The following PIEZO2 variants were observed in gnomAD, a reference collection of about 807,000 sequenced individuals.
The protein encoded by PIEZO2 is piezo type mechanosensitive ion channel component 2.
PIEZO2 carries 172 observed loss-of-function variants against 337.3 expected under a neutral mutation model. That is an observed-to-expected ratio of 0.51 (90% CI 0.45 to 0.58). The LOEUF (loss-of-function observed/expected upper bound fraction) is 0.58, where lower values mean the gene tolerates loss of function less well. Ranked by LOEUF, PIEZO2 falls within the 20% of genes least tolerant of loss-of-function variation. PIEZO2 has a pLI of 0.00. For synonymous variants in PIEZO2, 1,251 were observed against 1,228.5 expected (o/e 1.02, Z -0.38); for missense variants, 3,028 against 3,391.3 (o/e 0.89, Z 2.66).
intron 2 of PIEZO2, among the ~76,000 whole-genome samples, chr18:11,008,372 A>G (rs2145642012): frequency 6.6e-6 from 1 of 152,300 alleles, no homozygotes; most frequent in African/African-American, 2.4e-5. Context: ...AGCAAATCCC[A>G]AACATATGCC....
rs148592757 is a variant in PIEZO2 at position 11,038,946 on chromosome 18, CAT to C, written c.160+27179_160+27180del. 3.3e-4 allele frequency among the ~76,000 whole-genome samples: 50 copies of C among 152,274 alleles called. No homozygotes were observed. The highest frequency in any genetic ancestry group is 1.2e-3 in the African/African-American group (50 of 41,542). ...TGAAACCACTGTAGCTTTGACTAGA[CAT>C]AGGTGGATAGGTGTTTGATATATCC... On this transcript the variant is annotated intron_variant, in intron 2 of 55. Coordinates refer to ENST00000674853, the MANE Select transcript of PIEZO2 (RefSeq NM_001378183.1). The surrounding 1 kb of genome is among the most constrained non-coding windows in gnomAD (Gnocchi z 4.1).
At chr18:10,728,360 C>T (rs1000063117) in intron 36 of PIEZO2, 2 of 152,176 alleles carry the variant, frequency 1.3e-5, no homozygotes, top group African/African-American at 4.8e-5. Context: ...CGAATCTGTT[C>T]TGTGGAAAAT....
In PIEZO2 at chr18:11,080,053, A is replaced by G. The variant is rs73400527; in HGVS notation, c.65-13831T>C. Among the ~76,000 whole-genome samples the G allele has an allele frequency of 0.039, 5,898 of 152,262 alleles. 394 individuals are homozygous for G. Among genetic ancestry groups the G allele is most frequent in the African/African-American group, 0.13 (5,545 of 41,530 alleles). ...AAGGATGCACACACTGTCCAGTGTCAAGGAAAAACTGGGAACTAATCCCAG... is the reference window on the plus strand; with the variant it reads ...AAGGATGCACACACTGTCCAGTGTCGAGGAAAAACTGGGAACTAATCCCAG... On this transcript the variant is annotated intron_variant, in intron 1 of 55. Coordinates refer to ENST00000674853, the MANE Select transcript of PIEZO2 (RefSeq NM_001378183.1). The surrounding 1 kb of genome is among the most constrained non-coding windows in gnomAD (Gnocchi z 5.4).
In PIEZO2 at chr18:11,126,197, A is replaced by G. The variant is rs999829013; in HGVS notation, c.64+22328T>C. ...TGCTTTGGTTTAAAGTCTCCACCTC[A>G]CTTTTTTAAAGTCAATATTCCCAGT... On this transcript the variant is annotated intron_variant, in intron 1 of 55. Coordinates refer to ENST00000674853, the MANE Select transcript of PIEZO2 (RefSeq NM_001378183.1). This position sits in a 1 kb window ranked among gnomAD's most constrained non-coding sequence, Gnocchi z 4.6. Among the ~76,000 whole-genome samples, 1 of 152,042 alleles carries G rather than the reference A, an allele frequency of 6.6e-6. No homozygotes were observed. Among genetic ancestry groups the G allele is most frequent in the South Asian group, 2.1e-4 (1 of 4,820 alleles).
chr18:10,827,756 G>A (rs1451978517), intron 7 of PIEZO2, among the ~76,000 whole-genome samples: 1 of 152,142 alleles, frequency 6.6e-6, no homozygotes, highest in Non-Finnish European at 1.5e-5. Context: ...TACAACCTTG[G>A]ACAAGATCAC....
Position 10,726,720 on chromosome 18 carries a change from C to G in PIEZO2, c.5029+4687G>C. 1 of 1,428,954 alleles carries G rather than the reference C, an allele frequency of 7.0e-7. No homozygotes were observed. Among genetic ancestry groups the G allele is most frequent in the Non-Finnish European group, 9.8e-7 (1 of 1,017,882 alleles). The allele number at this position is 1,428,954 out of a possible 1,614,324, so 88.5% of individuals were successfully genotyped here. A position where few individuals can be genotyped will look rare whatever the true frequency, so the allele number is the denominator to read the frequency against. ...AGGTGTACCTGAACGGCATCCTGTG[C>G]ATTCTGGGACATCGCCAGACCATCG... On this transcript the variant is annotated intron_variant, in intron 36 of 55. Coordinates refer to ENST00000674853, the MANE Select transcript of PIEZO2 (RefSeq NM_001378183.1). This position sits in a 1 kb window ranked among gnomAD's most constrained non-coding sequence, Gnocchi z 5.9.
rs2040448365 is a variant in PIEZO2, at chr18:10,819,112, G to A, written c.918-11838C>T. ...TGTCATAAGAAGAACTCTGAGAACTGCATTTAAGTACACCTAGACTCTTTA... is the reference window on the plus strand; with the variant it reads ...TGTCATAAGAAGAACTCTGAGAACTACATTTAAGTACACCTAGACTCTTTA... On this transcript the variant is annotated intron_variant, in intron 7 of 55. Transcript: ENST00000674853. This position sits in a 1 kb window ranked among gnomAD's most constrained non-coding sequence, Gnocchi z 4.3. 1.3e-5 allele frequency among the ~76,000 whole-genome samples: 2 copies of A among 152,146 alleles called. No individual in the cohort carries two copies. The highest frequency in any genetic ancestry group is 2.9e-5 in the Non-Finnish European group (2 of 68,018).
At position 10,773,991 on chromosome 18, in the gene PIEZO2, C is replaced by G. The variant is rs765310007; in HGVS notation, c.2567+15G>C. The G allele has an allele frequency of 2.8e-6, 2 of 702,972 alleles. No individual in the cohort carries two copies. The highest frequency in any genetic ancestry group is 1.5e-5 in the South Asian group (1 of 67,582). The allele number at this position is 702,972 out of a possible 1,614,324, so 43.5% of individuals were successfully genotyped here. ...ATGTAGAGCAAGCATTTCATGGCTT[C>G]ACAGGGGGACTTACTCATTTTGGTG... On this transcript the variant is annotated intron_variant, in intron 19 of 55. Transcript: ENST00000674853. This position sits in a 1 kb window ranked among gnomAD's most constrained non-coding sequence, Gnocchi z 5.3.
chr18:11,025,230 G>A (rs1007769912), intron 2 of PIEZO2, among the ~76,000 whole-genome samples: 2 of 152,068 alleles, frequency 1.3e-5, no homozygotes, highest in Non-Finnish European at 2.9e-5. Flanking sequence ...CTTCATTTGG[G>A]GTTACAATTA....
At position 11,143,600 on chromosome 18, in the gene PIEZO2, A is replaced by AAC. The variant is rs57885955; in HGVS notation, c.64+4923_64+4924dup. Among the ~76,000 whole-genome samples, 6,003 of 106,472 alleles carry AAC rather than the reference A, an allele frequency of 0.056. 214 individuals carry two copies. The highest frequency in any genetic ancestry group is 0.1 in the Middle Eastern group (17 of 162). 69.8% of individuals were successfully genotyped at this position (106,472 alleles called of 152,430 possible). A position where few individuals can be genotyped will look rare whatever the true frequency, so the allele number is the denominator to read the frequency against. ...AAAATCCTGAGAACTAAAAATCTCT[A>AAC]ACACACACACACACACACACACACA... On this transcript the variant is annotated intron_variant, in intron 1 of 55. Coordinates refer to ENST00000674853, the MANE Select transcript of PIEZO2 (RefSeq NM_001378183.1). This position sits in a 1 kb window ranked among gnomAD's most constrained non-coding sequence, Gnocchi z 4.9.
At position 11,069,751 on chromosome 18, in the gene PIEZO2, T is replaced by C. The variant is rs974379877; in HGVS notation, c.65-3529A>G. 2.6e-5 allele frequency among the ~76,000 whole-genome samples: 4 copies of C among 152,224 alleles called. No homozygotes were observed. Among genetic ancestry groups the C allele is most frequent in the Non-Finnish European group, 5.9e-5 (4 of 68,038 alleles). ...GGCAAAGCAAATTTGTGTTTGCAGA[T>C]GACATGATCTTATATTAAGAAAACC... On this transcript the variant is annotated intron_variant, in intron 1 of 55. Transcript: ENST00000674853. This position sits in a 1 kb window ranked among gnomAD's most constrained non-coding sequence, Gnocchi z 4.9.
intron 2 of PIEZO2, among the ~76,000 whole-genome samples, chr18:11,024,526 A>G (rs1598845781): frequency 7.0e-6 from 1 of 142,534 alleles, no homozygotes; most frequent in South Asian, 2.3e-4. Context: ...AGCCTGGGCG[A>G]CAGAGCGAGA....
At position 10,847,950 on chromosome 18, in the gene PIEZO2, A is replaced by C. The variant is rs1016209389; in HGVS notation, c.917+7403T>G. On this transcript the variant is annotated intron_variant, in intron 7 of 55. Coordinates refer to ENST00000674853, the MANE Select transcript of PIEZO2 (RefSeq NM_001378183.1). The surrounding 1 kb of genome is among the most constrained non-coding windows in gnomAD (Gnocchi z 5.7). ...TTAGCATTATAATAACGTGCTTTACATTTGTTTTTCTCCACACACTGGACC... is the reference window on the plus strand; with the variant it reads ...TTAGCATTATAATAACGTGCTTTACCTTTGTTTTTCTCCACACACTGGACC... Among the ~76,000 whole-genome samples, 1 of 152,144 alleles carries C rather than the reference A, an allele frequency of 6.6e-6. No homozygotes were observed. The highest frequency in any genetic ancestry group is 1.5e-5 in the Non-Finnish European group (1 of 68,036).
At chr18:11,005,778 AC>A (rs1156972472) in intron 2 of PIEZO2, among the ~76,000 whole-genome samples, 1 of 152,000 alleles carries the variant, frequency 6.6e-6, no homozygotes, top group East Asian at 1.9e-4. Context: ...ATTCTCCTTA[AC>A]CCTGAACTGT....
chr18:10,844,697 G>A (rs1404348113), intron 7 of PIEZO2, among the ~76,000 whole-genome samples: 3 of 151,354 alleles, frequency 2.0e-5, no homozygotes, highest in East Asian at 2.0e-4. Flanking sequence ...GCTGAGGCAG[G>A]AGAATGGCGT....
intron 4 of PIEZO2, among the ~76,000 whole-genome samples, chr18:10,879,661 C>T (rs550926796): frequency 4.3e-4 from 65 of 152,280 alleles, no homozygotes; most frequent in African/African-American, 1.4e-3. Context: ...TCCCAAAGTG[C>T]TGGGATTACA....
At chr18:10,900,127 G>A (rs1396280414) in intron 4 of PIEZO2, among the ~76,000 whole-genome samples, 1 of 151,840 alleles carries the variant, frequency 6.6e-6, no homozygotes, top group Non-Finnish European at 1.5e-5. Context: ...TCTGTTGGAA[G>A]TCCTAGGTAA....
At chr18:10,705,781 C>T in intron 40 of PIEZO2, 35 bp from the exon 41 acceptor site, 1 of 1,479,876 alleles carries the variant, frequency 6.8e-7, no homozygotes, top group Non-Finnish European at 8.9e-7. Context: ...GAGCCCATGT[C>T]TTAGCATCCA....
chr18:11,091,383 CAAAAA>C (rs529307821), intron 1 of PIEZO2, among the ~76,000 whole-genome samples: 208 of 77,876 alleles, frequency 2.7e-3, no homozygotes, highest in African/African-American at 8.6e-3. Flanking sequence ...GACTCCGTCT[CAAAAA>C]AAAAAAAAAA....
Sources: allele counts gnomAD v4.1 joint callset (sites outside exome capture counted in the v4.1 genomes callset), GRCh38; gene constraint gnomAD v4.1.1; non-coding constraint Gnocchi (gnomAD v3.1); transcripts MANE v1.5; gene names NCBI Gene and HGNC (gene_info 2026-07-23, HGNC 2026-07-21).